MAGI2: variants seen among roughly 807,000 people sequenced by gnomAD.
The protein encoded by MAGI2 is membrane associated guanylate kinase, WW and PDZ domain containing 2, also known as membrane-associated guanylate kinase, WW and PDZ domain-containing protein 2.
A neutral mutation model predicts 133.3 loss-of-function variants in MAGI2; 35 were observed. That is an observed-to-expected ratio of 0.26 (90% CI 0.20 to 0.35). The LOEUF (loss-of-function observed/expected upper bound fraction) is 0.35. Among genes scored for constraint, MAGI2 ranks in the 10% least tolerant of loss-of-function variants. The pLI, the probability that MAGI2 is intolerant of heterozygous loss-of-function variation, is 1.00. For synonymous variants in MAGI2, 729 were observed against 710.6 expected, an observed-to-expected ratio of 1.03 and a Z score of -0.41; for missense variants, 1,636 against 1,863.4, an observed-to-expected ratio of 0.88 and a Z score of 2.25.
At chr7:79,201,017 G>A (rs575706089) in intron 1 of MAGI2, among the ~76,000 whole-genome samples, 8 of 152,050 alleles carry the variant, frequency 5.3e-5, no homozygotes, top group South Asian at 2.1e-4. Flanking sequence ...TAAGGCCCTC[G>A]GCAGGGCTTT....
intron 9 of MAGI2, among the ~76,000 whole-genome samples, chr7:78,336,556 C>G (rs1789788163): frequency 6.6e-6 from 1 of 152,028 alleles, no homozygotes; most frequent in South Asian, 2.1e-4. Context: ...TACCTTGTCT[C>G]TATAAAAATT....
In MAGI2 at chr7:78,074,268, G is replaced by T. The variant is rs1815040155; in HGVS notation, c.3706+4679C>A. Reference sequence around the variant, plus strand: ...GTCATGCTGATTTTGTTTAGTCAATGCTCTGACAGATCGCCTTTGGTATTT... The same window carrying T: ...GTCATGCTGATTTTGTTTAGTCAATTCTCTGACAGATCGCCTTTGGTATTT... On this transcript the variant is annotated intron_variant, in intron 21 of 21. Coordinates refer to ENST00000354212, the MANE Select transcript of MAGI2 (RefSeq NM_012301.4). Among the ~76,000 whole-genome samples the T allele has an allele frequency of 1.3e-5, 2 of 152,118 alleles. 1 individual carries two copies. Among genetic ancestry groups the T allele is most frequent in the South Asian group, 4.1e-4 (2 of 4,828 alleles).
chr7:78,489,083 T>C (rs776802448), intron 6 of MAGI2, among the ~76,000 whole-genome samples: 1 of 152,048 alleles, frequency 6.6e-6, no homozygotes, highest in Non-Finnish European at 1.5e-5. Flanking sequence ...TTAAACTCAA[T>C]ATTTTAAAAA....
intron 21 of MAGI2, among the ~76,000 whole-genome samples, chr7:78,059,276 A>G (rs1279841019): frequency 6.6e-6 from 1 of 152,198 alleles, no homozygotes; most frequent in African/African-American, 2.4e-5. Context: ...CCAAATCCAC[A>G]GGTGATGATA....
chr7:78,630,621 T>TAAA (rs1482839692), intron 2 of MAGI2, among the ~76,000 whole-genome samples: 29 of 151,968 alleles, frequency 1.9e-4, no homozygotes, highest in Non-Finnish European at 1.6e-4. Flanking sequence ...TTCACTGTGT[T>TAAA]GGCCAGGCTG....
intron 2 of MAGI2, among the ~76,000 whole-genome samples, chr7:78,794,745 A>C (rs527633521): frequency 2.0e-5 from 3 of 152,314 alleles, no homozygotes; most frequent in African/African-American, 7.2e-5. Context: ...TGTTTTATGG[A>C]ATAAAATAAG....
At chr7:78,919,138 C>A (rs975406569) in intron 2 of MAGI2, among the ~76,000 whole-genome samples, 15 of 152,144 alleles carry the variant, frequency 9.9e-5, no homozygotes, top group African/African-American at 2.9e-4. Context: ...CCTACCCAAG[C>A]CATTATTTCT....
At chr7:78,338,726 A>G (rs1173012356) in intron 9 of MAGI2, among the ~76,000 whole-genome samples, 1 of 152,168 alleles carries the variant, frequency 6.6e-6, no homozygotes, top group Admixed American at 6.5e-5. Context: ...TAAACATTTT[A>G]TATTTTTGAA....
intron 9 of MAGI2, among the ~76,000 whole-genome samples, chr7:78,292,534 A>T (rs1451648764): frequency 6.6e-6 from 1 of 152,216 alleles, no homozygotes; most frequent in Non-Finnish European, 1.5e-5. Flanking sequence ...ATTCAATGCC[A>T]TCCCCATCAA....
chr7:79,161,834 C>T (rs766499392), intron 1 of MAGI2, among the ~76,000 whole-genome samples: 1 of 151,932 alleles, frequency 6.6e-6, no homozygotes, highest in African/African-American at 2.4e-5. Flanking sequence ...TGCGTAAGTT[C>T]GATATAAGTT....
At chr7:78,976,233 A>G (rs1804238003) in intron 2 of MAGI2, among the ~76,000 whole-genome samples, 1 of 151,640 alleles carries the variant, frequency 6.6e-6, no homozygotes, top group Admixed American at 6.6e-5. Flanking sequence ...TAAACTACAG[A>G]CTGGTAAGAT....
rs1487906726 is a variant in MAGI2, at chr7:78,017,767, AG to A, written c.*1547del. On this transcript the variant is annotated 3_prime_UTR_variant, in exon 22 of 22. Coordinates refer to ENST00000354212, the MANE Select transcript of MAGI2 (RefSeq NM_012301.4). ...CTCAGGATACTGCAATTACAAGGAGAGGGAATGATCAGCCCAGGGAGGCTAT... is the reference window on the plus strand; with the variant it reads ...CTCAGGATACTGCAATTACAAGGAGAGGAATGATCAGCCCAGGGAGGCTAT... 1.3e-5 allele frequency: 2 copies of A among 152,494 alleles called. No individual in the cohort carries two copies. Among genetic ancestry groups the A allele is most frequent in the Non-Finnish European group, 2.9e-5 (2 of 68,046 alleles). 9.4% of individuals were successfully genotyped at this position (152,494 alleles called of 1,614,324 possible).
chr7:78,791,882 G>C (rs1787181293), intron 2 of MAGI2, among the ~76,000 whole-genome samples: 1 of 151,996 alleles, frequency 6.6e-6, no homozygotes, highest in African/African-American at 2.4e-5. Flanking sequence ...ACACAGTAGG[G>C]GGTAGGTCAA....
chr7:78,931,731 C>T (rs1218133656), intron 2 of MAGI2, among the ~76,000 whole-genome samples: 1 of 152,048 alleles, frequency 6.6e-6, no homozygotes, highest in Non-Finnish European at 1.5e-5. Flanking sequence ...AAGAATTACT[C>T]CTACACCACA....
intron 10 of MAGI2, among the ~76,000 whole-genome samples, chr7:78,201,417 G>C (rs1829240422): frequency 2.0e-5 from 3 of 152,140 alleles, no homozygotes; most frequent in Non-Finnish European, 4.4e-5. Context: ...GGCAACTGAA[G>C]ATGCTAAGGC....
At chr7:79,096,206 A>G (rs1481084217) in intron 1 of MAGI2, among the ~76,000 whole-genome samples, 3 of 152,270 alleles carry the variant, frequency 2.0e-5, no homozygotes, top group African/African-American at 4.8e-5. Context: ...AATTAGACCA[A>G]TGGGAAGTAG....
intron 9 of MAGI2, among the ~76,000 whole-genome samples, chr7:78,332,436 C>T (rs554844575): frequency 4.6e-5 from 7 of 152,294 alleles, no homozygotes; most frequent in East Asian, 1.9e-4. Context: ...CAGTGGCTCA[C>T]GCCTGTAATC....
intron 1 of MAGI2, among the ~76,000 whole-genome samples, chr7:79,162,406 T>C (rs768562246): frequency 3.9e-5 from 6 of 151,990 alleles, no homozygotes; most frequent in Non-Finnish European, 8.8e-5. Flanking sequence ...GCTAAAACTA[T>C]ACAAGCACCC....
chr7:78,272,380 T>G (rs1794667139), intron 9 of MAGI2, among the ~76,000 whole-genome samples: 1 of 152,180 alleles, frequency 6.6e-6, no homozygotes, highest in South Asian at 2.1e-4. Flanking sequence ...AATTTTAGAA[T>G]AAATGCGACG....
Sources: gnomAD v4.1 joint callset for allele counts (sites outside exome capture counted in the v4.1 genomes callset) on GRCh38, gnomAD v4.1.1 for gene constraint, MANE v1.5 for transcripts, NCBI Gene and HGNC (gene_info 2026-07-23, HGNC 2026-07-21) for gene names.